BRF1: variants seen among roughly 807,000 people sequenced by gnomAD.
BRF1 encodes transcription factor IIIB 90 kDa subunit.
A neutral mutation model predicts 81.7 loss-of-function variants in BRF1; 59 were observed. The ratio of observed to expected loss-of-function variants is 0.72; its 90% CI spans 0.59 to 0.90. BRF1 has a LOEUF of 0.90. Ranked by LOEUF, BRF1 falls within the 40% of genes least tolerant of loss-of-function variation. The probability of loss-of-function intolerance (pLI) is 0.00; values close to 1 mark genes in which losing one functional copy is unlikely to be tolerated. For synonymous variants in BRF1, 491 were observed against 395.6 expected (o/e 1.24, Z -2.86); for missense variants, 1,050 against 936.3 (o/e 1.12, Z -1.58).
chr14:105,210,990 G>A lies in BRF1; in HGVS notation c.1996+132C>T. 1 of 1,464,882 alleles carries A rather than the reference G, an allele frequency of 6.8e-7. No homozygotes were observed. Among genetic ancestry groups the A allele is most frequent in the Non-Finnish European group, 9.1e-7 (1 of 1,095,200 alleles). The allele number at this position is 1,464,882 out of a possible 1,614,324, so 90.7% of individuals were successfully genotyped here. ...CATGACCAATTTACAAAATGTCTTA[G>A]TTCAAATTTCTTTCCAGGGAGAAAC... On this transcript the variant is annotated intron_variant, in intron 17 of 17. Coordinates refer to ENST00000547530, the MANE Select transcript of BRF1 (RefSeq NM_001519.4). The surrounding 1 kb of genome is among the most constrained non-coding windows in gnomAD (Gnocchi z 4.7).
intron 1 of BRF1, among the ~76,000 whole-genome samples, chr14:105,289,953 C>T (rs947989801): frequency 4.6e-5 from 7 of 152,030 alleles, no homozygotes; most frequent in Admixed American, 3.3e-4. Flanking sequence ...TCTAAGCGTT[C>T]GAATTAAGAT....
At chr14:105,215,788 A>G (rs1423152198) in intron 15 of BRF1, among the ~76,000 whole-genome samples, 2 of 149,588 alleles carry the variant, frequency 1.3e-5, no homozygotes, top group Admixed American at 1.3e-4. Flanking sequence ...GCACACACAC[A>G]CATGCACACA....
intron 3 of BRF1, among the ~76,000 whole-genome samples, chr14:105,259,995 T>C (rs1304139123): frequency 6.6e-6 from 1 of 151,960 alleles, no homozygotes; most frequent in Non-Finnish European, 1.5e-5. Context: ...AACTGGTCTG[T>C]AGTGGAAGGA....
intron 5 of BRF1, chr14:105,247,993 C>A (rs1003041611): frequency 1.0e-6 from 1 of 985,360 alleles, no homozygotes; most frequent in Non-Finnish European, 1.2e-6. Context: ...CGCCCTGGGG[C>A]CCAAGCTCCA....
At chr14:105,245,365 A>AAAAT (rs587727567) in intron 5 of BRF1, among the ~76,000 whole-genome samples, 1,564 of 152,260 alleles carry the variant, frequency 0.01, 28 homozygotes, top group African/African-American at 0.035. Context: ...CATCTCAAAA[A>AAAAT]AAATAAATAA....
chr14:105,212,843 G>A (rs1259390705), intron 15 of BRF1: 1 of 152,338 alleles, frequency 6.6e-6, no homozygotes, highest in Non-Finnish European at 1.5e-5. Flanking sequence ...AGGCGGTAGG[G>A]GGCCTGAGGC....
At chr14:105,310,903 A>G (rs2058336116) in intron 1 of BRF1, among the ~76,000 whole-genome samples, 1 of 152,250 alleles carries the variant, frequency 6.6e-6, no homozygotes, top group African/African-American at 2.4e-5. Context: ...TTTTATATGT[A>G]TAATCACTAA....
chr14:105,260,422 A>G (rs2056094965), intron 3 of BRF1, among the ~76,000 whole-genome samples: 1 of 151,454 alleles, frequency 6.6e-6, no homozygotes, highest in Non-Finnish European at 1.5e-5. Context: ...CCCAGGCTGG[A>G]GTGCAATGGT....
intron 1 of BRF1, among the ~76,000 whole-genome samples, chr14:105,313,255 C>T (rs952968633): frequency 6.6e-6 from 1 of 152,218 alleles, no homozygotes; most frequent in Non-Finnish European, 1.5e-5. Context: ...GTTCTGGGGT[C>T]AATGGGTGCC....
chr14:105,210,562 C>A lies in BRF1; in HGVS notation c.2023G>T (p.Asp675Tyr). 1 of 1,611,504 alleles carries A rather than the reference C, an allele frequency of 6.2e-7. No individual in the cohort carries two copies. Among genetic ancestry groups the A allele is most frequent in the Non-Finnish European group, 8.5e-7 (1 of 1,179,890 alleles). ...CTGGAGGCCACACTTCAGTAGCCGT[C>A]GTCCTCATCGCCATCACAGCCATAG... Reference protein sequence around the residue: ...NDYGCDGDEDDGY With the variant: ...NDYGCDGDEDYGY The change falls in exon 18 of 18, where the codon GAC becomes TAC. Residue 675 changes from aspartate (D) to tyrosine (Y), a missense_variant. Coordinates refer to ENST00000547530, the MANE Select transcript of BRF1 (RefSeq NM_001519.4). This position sits in a 1 kb window ranked among gnomAD's most constrained non-coding sequence, Gnocchi z 4.7.
chr14:105,278,827 G>A (rs966101598), intron 2 of BRF1, among the ~76,000 whole-genome samples: 8 of 151,940 alleles, frequency 5.3e-5, no homozygotes, highest in Admixed American at 1.3e-4. Flanking sequence ...GGCAGATCAC[G>A]AGGTCAAGAG....
At chr14:105,251,518 C>G (rs776223405) in intron 5 of BRF1, among the ~76,000 whole-genome samples, 3 of 152,196 alleles carry the variant, frequency 2.0e-5, no homozygotes, top group Non-Finnish European at 4.4e-5. Flanking sequence ...ACCCTGTAGG[C>G]AGTTGTTTTC....
chr14:105,228,993 G>C (rs148017691), intron 6 of BRF1, 80 bp from the exon 7 acceptor site: 1 of 1,293,254 alleles, frequency 7.7e-7, no homozygotes, highest in Non-Finnish European at 1.1e-6. Context: ...ACAACACTGC[G>C]GATCCCGGTC....
chr14:105,252,491 T>G lies in BRF1; in HGVS notation c.544+16A>C. ...GCAGCCTGCCGGACACCCCAGCATCTCACCCAGATGCCTACCTATGGCCGG... is the reference window on the plus strand; with the variant it reads ...GCAGCCTGCCGGACACCCCAGCATCGCACCCAGATGCCTACCTATGGCCGG... On this transcript the variant is annotated intron_variant, in intron 5 of 17. Transcript: ENST00000547530. 4 of 1,612,838 alleles carry G rather than the reference T, an allele frequency of 2.5e-6. No homozygotes were observed. Among genetic ancestry groups the G allele is most frequent in the Non-Finnish European group, 2.5e-6 (3 of 1,179,592 alleles).
intron 1 of BRF1, among the ~76,000 whole-genome samples, chr14:105,293,095 G>A (rs2057589579): frequency 6.6e-6 from 1 of 152,212 alleles, no homozygotes; most frequent in African/African-American, 2.4e-5. Flanking sequence ...GGGTCATGGA[G>A]CAGAGGCAGA....
rs2058283482 is a variant in BRF1, at chr14:105,309,420, G to A, written c.-162+5902C>T. On this transcript the variant is annotated intron_variant, in intron 1 of 17. Coordinates refer to the BRF1 transcript ENST00000327359. The surrounding 1 kb of genome is among the most constrained non-coding windows in gnomAD (Gnocchi z 4.0). ...TTTTGCTGGTTATTCCACATCCCAT[G>A]GGGTGGATGTGCCAGGGCAAGTTTT... Among the ~76,000 whole-genome samples, 1 of 152,224 alleles carries A rather than the reference G, an allele frequency of 6.6e-6. No homozygotes were observed. The highest frequency in any genetic ancestry group is 1.5e-5 in the Non-Finnish European group (1 of 68,038).
chr14:105,210,773 G>A lies in BRF1; in HGVS notation c.1997-185C>T, dbSNP rs903583043. 2.0e-5 allele frequency among the ~76,000 whole-genome samples: 3 copies of A among 151,406 alleles called. No individual in the cohort carries two copies. Among genetic ancestry groups the A allele is most frequent in the Non-Finnish European group, 2.9e-5 (2 of 67,884 alleles). On this transcript the variant is annotated intron_variant, in intron 17 of 17. Coordinates refer to ENST00000547530, the MANE Select transcript of BRF1 (RefSeq NM_001519.4). The surrounding 1 kb of genome is among the most constrained non-coding windows in gnomAD (Gnocchi z 4.7). ...ACCTCCCGGGACTGGCATGCACCCA[G>A]AGCAGGGCCTTGCTCCTCGTCGAGG...
intron 10 of BRF1, 62 bp from the exon 11 acceptor site, chr14:105,221,976 A>C (rs1892349841): frequency 6.7e-7 from 1 of 1,494,942 alleles, no homozygotes; most frequent in South Asian, 1.3e-5. Flanking sequence ...TTTTGTGACA[A>C]AAAACAATGC....
At chr14:105,248,394 G>A (rs1443617449) in intron 5 of BRF1, 2 of 985,232 alleles carry the variant, frequency 2.0e-6, no homozygotes, top group South Asian at 4.7e-5. Context: ...TGCCAGCGCC[G>A]GGAGCCGCCT....
Sources: allele counts gnomAD v4.1 joint callset (sites outside exome capture counted in the v4.1 genomes callset), GRCh38; gene constraint gnomAD v4.1.1; non-coding constraint Gnocchi (gnomAD v3.1); transcripts MANE v1.5; gene names NCBI Gene and HGNC (gene_info 2026-07-23, HGNC 2026-07-21).